The following CDH13 variants were observed in gnomAD, a reference collection of about 807,000 sequenced individuals.
CDH13 encodes cadherin-13.
CDH13 carries 24 observed loss-of-function variants against 63.8 expected under a neutral mutation model. The observed-to-expected ratio is 0.38, with a 90% CI of 0.27 to 0.53. The LOEUF (loss-of-function observed/expected upper bound fraction) is 0.53, where lower values mean the gene tolerates loss of function less well. Among genes scored for constraint, CDH13 ranks in the 20% least tolerant of loss-of-function variants. CDH13 has a pLI of 0.85. For missense variants in CDH13, 1,049 were observed against 903.1 expected (o/e 1.16, Z -2.07); for synonymous variants, 503 against 355.3 (o/e 1.42, Z -4.67).
At chr16:82,984,047 T>C (rs1318103558) in intron 2 of CDH13, among the ~76,000 whole-genome samples, 1 of 152,134 alleles carries the variant, frequency 6.6e-6, no homozygotes, top group African/African-American at 2.4e-5. Context: ...CCTCAGACAG[T>C]TGTAGAAATT....
chr16:83,664,766 A>C (rs9940351), intron 8 of CDH13, among the ~76,000 whole-genome samples: 151,916 of 152,224 alleles, frequency 1, 75,804 homozygotes, highest in Middle Eastern at 1. Context: ...AAATCATGTC[A>C]AAACATAAAA....
chr16:83,000,220 CTTATTTTTT>C (rs1912722624), intron 2 of CDH13, among the ~76,000 whole-genome samples: 4 of 33,976 alleles, frequency 1.2e-4, no homozygotes, highest in South Asian at 9.9e-4. Flanking sequence ...ACAGGTTTAG[CTTATTTTTT>C]TTTTTTTTTT....
At position 83,678,252 on chromosome 16, in the gene CDH13, A is replaced by G; in HGVS notation, c.1329A>G (p.Lys443=). The G allele has an allele frequency of 6.2e-7, 1 of 1,613,878 alleles. No homozygotes were observed. Among genetic ancestry groups the G allele is most frequent in the Non-Finnish European group, 8.5e-7 (1 of 1,179,848 alleles). Residue 443 remains lysine, a synonymous_variant, in exon 10 of 14, where the codon AAA becomes AAG. Transcript: ENST00000567109. ...CTGCCTTCCACACCCTGCTGATCAAAGTGGAAAATGAAGACCCACTCGTAC... is the reference window on the plus strand; with the variant it reads ...CTGCCTTCCACACCCTGCTGATCAAGGTGGAAAATGAAGACCCACTCGTAC... ...EISAFHTLLI[K]VENEDPLVPD...
intron 10 of CDH13, among the ~76,000 whole-genome samples, chr16:83,712,597 T>A (rs1908234054): frequency 6.6e-6 from 1 of 152,178 alleles, no homozygotes; most frequent in African/African-American, 2.4e-5. Flanking sequence ...GCTGTACCTG[T>A]ACAAGCCAGC....
At chr16:83,525,049 T>C (rs1231949730) in intron 7 of CDH13, among the ~76,000 whole-genome samples, 1 of 152,218 alleles carries the variant, frequency 6.6e-6, no homozygotes, top group African/African-American at 2.4e-5. Context: ...GAGAAGTTAT[T>C]GGTCTGATGC....
intron 1 of CDH13, among the ~76,000 whole-genome samples, chr16:82,640,568 C>T (rs911880273): frequency 6.6e-6 from 1 of 152,242 alleles, no homozygotes; most frequent in East Asian, 1.9e-4. Flanking sequence ...TTTACAAACA[C>T]AAGCAGAGCT....
intron 9 of CDH13, among the ~76,000 whole-genome samples, chr16:83,671,859 A>T (rs923921859): frequency 6.6e-6 from 1 of 152,214 alleles, no homozygotes; most frequent in African/African-American, 2.4e-5. Flanking sequence ...CAGAAATATT[A>T]GTGGGGGTGG....
chr16:83,048,606 C>G (rs1049324524), intron 3 of CDH13, among the ~76,000 whole-genome samples: 1 of 152,076 alleles, frequency 6.6e-6, no homozygotes, highest in Non-Finnish European at 1.5e-5. Flanking sequence ...AAGTTCATAC[C>G]ATCCATTTCA....
At chr16:83,561,105 T>C (rs1264899933) in intron 7 of CDH13, among the ~76,000 whole-genome samples, 1 of 152,138 alleles carries the variant, frequency 6.6e-6, no homozygotes, top group Non-Finnish European at 1.5e-5. Context: ...ATGTTGTTCT[T>C]TTCTTCCCTT....
intron 6 of CDH13, among the ~76,000 whole-genome samples, chr16:83,456,898 G>A (rs911595148): frequency 6.6e-6 from 1 of 152,200 alleles, no homozygotes; most frequent in Non-Finnish European, 1.5e-5. Flanking sequence ...GGAGGCGGAT[G>A]TTGCAGTGAG....
intron 10 of CDH13, among the ~76,000 whole-genome samples, chr16:83,696,929 C>G (rs1200375891): frequency 6.6e-6 from 1 of 152,196 alleles, no homozygotes; most frequent in East Asian, 1.9e-4. Flanking sequence ...ACCCCCTGCC[C>G]TGGCCCAGGA....
In CDH13 at chr16:83,600,092, C is replaced by G. The variant is rs373833458; in HGVS notation, c.961-2362C>G. On this transcript the variant is annotated intron_variant, in intron 7 of 13. Coordinates refer to ENST00000567109, the MANE Select transcript of CDH13 (RefSeq NM_001257.5). ...TTTCAAGCATCTATACCGAGAGATG[C>G]CAACGAAACCAGCCAGGAGCAAAAT... 1.1e-4 allele frequency among the ~76,000 whole-genome samples: 17 copies of G among 152,250 alleles called. 1 individual carries two copies. Among genetic ancestry groups the G allele is most frequent in the African/African-American group, 4.1e-4 (17 of 41,542 alleles).
chr16:82,825,799 A>C (rs561908565), intron 1 of CDH13: 59 of 151,164 alleles, frequency 3.9e-4, no homozygotes, highest in African/African-American at 1.4e-3. Context: ...CACCTGCCTC[A>C]GCCTCCCACA....
Position 83,047,235 on chromosome 16 carries a change from G to GTATTTATTTATT in CDH13, c.366+15027_366+15038dup, listed in dbSNP as rs150625609. The stretch of plus-strand genomic sequence containing the variant: ...CCTCACTCTTACTCCAGAGGCCTGT[G>GTATTTATTTATT]TATTTATTTATTTATTTATTTTTTT... On this transcript the variant is annotated intron_variant, in intron 3 of 13. Coordinates refer to ENST00000567109, the MANE Select transcript of CDH13 (RefSeq NM_001257.5). The surrounding 1 kb of genome is among the most constrained non-coding windows in gnomAD (Gnocchi z 4.9). 1.3e-5 allele frequency among the ~76,000 whole-genome samples: 2 copies of GTATTTATTTATT among 151,748 alleles called. No individual in the cohort carries two copies. Among genetic ancestry groups the GTATTTATTTATT allele is most frequent in the Non-Finnish European group, 2.9e-5 (2 of 67,874 alleles).
intron 5 of CDH13, among the ~76,000 whole-genome samples, chr16:83,303,800 A>G (rs866414108): frequency 6.6e-6 from 1 of 152,152 alleles, no homozygotes; most frequent in Non-Finnish European, 1.5e-5. Context: ...CTGATCCCCA[A>G]TACCAGAATT....
At chr16:83,660,417 C>G (rs1913331481) in intron 8 of CDH13, among the ~76,000 whole-genome samples, 1 of 152,068 alleles carries the variant, frequency 6.6e-6, no homozygotes, top group Non-Finnish European at 1.5e-5. Context: ...GGTTTGTGCT[C>G]CTATGAGAAT....
intron 6 of CDH13, among the ~76,000 whole-genome samples, chr16:83,443,812 G>A (rs1328227372): frequency 7.0e-6 from 1 of 143,560 alleles, no homozygotes. Flanking sequence ...GCATGTGCCT[G>A]TAGTCCCAGC....
chr16:83,422,499 G>A (rs933031286), intron 6 of CDH13, among the ~76,000 whole-genome samples: 5 of 152,162 alleles, frequency 3.3e-5, no homozygotes, highest in Non-Finnish European at 7.4e-5. Flanking sequence ...TATAATTAGA[G>A]ACAGAAAAGA....
At chr16:83,250,102 T>A (rs1408772072) in intron 5 of CDH13, among the ~76,000 whole-genome samples, 1 of 152,094 alleles carries the variant, frequency 6.6e-6, no homozygotes, top group Non-Finnish European at 1.5e-5. Context: ...TACCCATGGG[T>A]GTCAGAGCAA....
Sources: gnomAD v4.1 joint callset for allele counts (sites outside exome capture counted in the v4.1 genomes callset) on GRCh38, gnomAD v4.1.1 for gene constraint, Gnocchi (gnomAD v3.1) non-coding constraint, MANE v1.5 for transcripts, NCBI Gene and HGNC (gene_info 2026-07-23, HGNC 2026-07-21) for gene names.